The following IYD variants were observed in gnomAD, a reference collection of about 807,000 sequenced individuals.
IYD encodes iodotyrosine deiodinase 1.
IYD carries 25 observed loss-of-function variants against 28.4 expected under a neutral mutation model. The observed-to-expected ratio is 0.88, with a 90% CI of 0.64 to 1.23. IYD has a LOEUF of 1.23. Among genes scored for constraint, IYD ranks in the 50% most tolerant of loss-of-function variants. IYD has a pLI of 0.00. For missense variants in IYD, 352 were observed against 357.9 expected (o/e 0.98, Z 0.13); for synonymous variants, 140 against 130.8 (o/e 1.07, Z -0.48).
intron 4 of IYD, chr6:150,395,670 G>C: frequency 1.0e-6 from 1 of 961,832 alleles, no homozygotes; most frequent in Non-Finnish European, 1.6e-6. Flanking sequence ...AGTGATGGAG[G>C]AAAGAAAAAT....
At chr6:150,382,447 C>A (rs1286456512) in intron 1 of IYD, among the ~76,000 whole-genome samples, 1 of 152,070 alleles carries the variant, frequency 6.6e-6, no homozygotes, top group East Asian at 1.9e-4. Context: ...TACCTCTATC[C>A]AATTTTACTA....
intron 1 of IYD, among the ~76,000 whole-genome samples, chr6:150,371,226 T>C (rs1777228579): frequency 2.0e-5 from 3 of 152,174 alleles, no homozygotes; most frequent in Admixed American, 2.0e-4. Flanking sequence ...ATATTATGTG[T>C]AGTAAATCAT....
intron 3 of IYD, 116 bp from the exon 4 acceptor site, chr6:150,393,983 T>C: frequency 2.7e-6 from 3 of 1,092,284 alleles, no homozygotes; most frequent in African/African-American, 1.6e-5. Context: ...AGCTTTTCAA[T>C]TTAAATATAA....
intron 1 of IYD, 55 bp from the exon 2 acceptor site, chr6:150,389,297 C>T: frequency 7.2e-7 from 1 of 1,382,380 alleles, no homozygotes; most frequent in Non-Finnish European, 1.0e-6. Context: ...CCCCAGCGGT[C>T]ACCTTATGAC....
Position 150,385,926 on chromosome 6 carries a change from C to T in IYD, c.179-3426C>T, listed in dbSNP as rs550983308. ...AATATATTGGTATAATAAATATTCT[C>T]ATACTATTTGTTGAATGACAGTAAC... On this transcript the variant is annotated intron_variant, in intron 1 of 4. Coordinates refer to ENST00000344419, the MANE Select transcript of IYD (RefSeq NM_203395.3). Among the ~76,000 whole-genome samples the T allele has an allele frequency of 7.9e-5, 12 of 151,926 alleles. No individual in the cohort carries two copies. The South Asian group carries it at 2.5e-3, about 32-fold the overall frequency.
At chr6:150,374,126 AC>A (rs1177321263) in intron 1 of IYD, among the ~76,000 whole-genome samples, 1 of 152,246 alleles carries the variant, frequency 6.6e-6, no homozygotes, top group Non-Finnish European at 1.5e-5. Context: ...AGATAAAAAT[AC>A]CTTTTCCTCT....
chr6:150,385,987 T>A (rs1298508514), intron 1 of IYD, among the ~76,000 whole-genome samples: 1 of 152,054 alleles, frequency 6.6e-6, no homozygotes, highest in East Asian at 1.9e-4. Flanking sequence ...TTCCTGATAT[T>A]TGTTACTTGT....
intron 3 of IYD, among the ~76,000 whole-genome samples, chr6:150,393,686 C>A: frequency 6.6e-6 from 1 of 152,204 alleles, no homozygotes; most frequent in East Asian, 1.9e-4. Flanking sequence ...TGCATTTACA[C>A]CTTACATGAA....
At chr6:150,389,260 A>T in intron 1 of IYD, 92 bp from the exon 2 acceptor site, 1 of 888,024 alleles carries the variant, frequency 1.1e-6, no homozygotes, top group Non-Finnish European at 1.9e-6. Flanking sequence ...TCATAACCTT[A>T]CACATTTAAG....
At position 150,394,101 on chromosome 6, in the gene IYD, C is replaced by A; in HGVS notation, c.533C>A (p.Thr178Asn). Residue 178 changes from threonine to asparagine, a missense_variant and splice_region_variant, in exon 4 of 5, where the codon ACC becomes AAC. Transcript: ENST00000344419. The part of the protein sequence containing the change: ...RWVTDLKKLR[T>N]NWIKEYLDTA... ...CTGAATCTCTTTTCTCTTCACAGAA[C>A]CAACTGGATTAAAGAGTACTTGGAT... is the stretch of plus-strand genomic sequence containing the variant. 6.2e-7 allele frequency: 1 copy of A among 1,613,950 alleles called. No individual in the cohort carries two copies. The highest frequency in any genetic ancestry group is 1.3e-5 in the African/African-American group (1 of 74,996).
At chr6:150,397,999 GA>G in intron 4 of IYD, 55 bp from the exon 5 acceptor site, 1 of 1,529,940 alleles carries the variant, frequency 6.5e-7, no homozygotes, top group South Asian at 1.1e-5. Flanking sequence ...AGGTTAGAGG[GA>G]GAGCAGTCAT....
chr6:150,396,888 A>T (rs1255688517), intron 4 of IYD: 1 of 150,274 alleles, frequency 6.7e-6, no homozygotes, highest in Non-Finnish European at 1.5e-5. Context: ...AAAAAAAAAA[A>T]AAATTAAGAT....
At chr6:150,380,412 C>CA (rs1356303961) in intron 1 of IYD, among the ~76,000 whole-genome samples, 1 of 152,116 alleles carries the variant, frequency 6.6e-6, no homozygotes, top group Admixed American at 6.5e-5. Flanking sequence ...TGTTTAGTTC[C>CA]ACTAATATAA....
In IYD at chr6:150,369,153, G is replaced by T. The variant is rs370872496; in HGVS notation, c.122G>T (p.Arg41Leu). Residue 41 changes from arginine to leucine, a missense_variant, in exon 1 of 5, where the codon CGC becomes CTC. Transcript: ENST00000344419. ...KGEPRTRAEA[R>L]PWVDEDLKDS... ...GAGCCTAGAACCAGGGCCGAAGCTCGCCCCTGGGTGGATGAAGACTTAAAA... is the reference window on the plus strand; with the variant it reads ...GAGCCTAGAACCAGGGCCGAAGCTCTCCCCTGGGTGGATGAAGACTTAAAA... 1.2e-6 allele frequency: 2 copies of T among 1,613,722 alleles called. No homozygotes were observed. Among genetic ancestry groups the T allele is most frequent in the African/African-American group, 1.3e-5 (1 of 74,848 alleles).
chr6:150,370,568 T>C (rs375382655), intron 1 of IYD: 1 of 985,398 alleles, frequency 1.0e-6, no homozygotes, highest in East Asian at 1.1e-4. Flanking sequence ...GGGCTGCCTC[T>C]TGCTCTCCTA....
At position 150,398,573 on chromosome 6, in the gene IYD, C is replaced by A; in HGVS notation, c.*336C>A. The A allele has an allele frequency of 4.3e-6, 1 of 234,500 alleles. No homozygotes were observed. The highest frequency in any genetic ancestry group is 8.3e-6 in the Non-Finnish European group (1 of 121,212). 14.5% of individuals were successfully genotyped at this position (234,500 alleles called of 1,614,324 possible). ...CATAGAGGAGACAATCAGAAATTTA[C>A]CATAGTCCCAAGAATTCAGCTACAT... On this transcript the variant is annotated 3_prime_UTR_variant, in exon 5 of 5. Coordinates refer to ENST00000344419, the MANE Select transcript of IYD (RefSeq NM_203395.3).
At chr6:150,377,704 T>C (rs949050619) in intron 1 of IYD, among the ~76,000 whole-genome samples, 1 of 152,198 alleles carries the variant, frequency 6.6e-6, no homozygotes, top group East Asian at 1.9e-4. Flanking sequence ...GCTGAATGGG[T>C]CTTAAGACTT....
At chr6:150,388,904 G>A (rs1384444231) in intron 1 of IYD, among the ~76,000 whole-genome samples, 1 of 152,114 alleles carries the variant, frequency 6.6e-6, no homozygotes, top group Admixed American at 6.5e-5. Context: ...GTTTCACCAT[G>A]TTGACCAGGC....
At chr6:150,387,177 A>G (rs1226979589) in intron 1 of IYD, among the ~76,000 whole-genome samples, 1 of 152,096 alleles carries the variant, frequency 6.6e-6, no homozygotes, top group Non-Finnish European at 1.5e-5. Context: ...CCCCTGATTT[A>G]CTTTTATTGT....
Sources: allele counts gnomAD v4.1 joint callset (sites outside exome capture counted in the v4.1 genomes callset), GRCh38; gene constraint gnomAD v4.1.1; transcripts MANE v1.5; gene names NCBI Gene and HGNC (gene_info 2026-07-23, HGNC 2026-07-21).